AEBP2: variants seen among roughly 807,000 people sequenced by gnomAD.
AEBP2 encodes AE binding protein 2.
A neutral mutation model predicts 50.8 loss-of-function variants in AEBP2; 10 were observed. The ratio of observed to expected loss-of-function variants is 0.20; its 90% CI spans 0.12 to 0.33. The LOEUF (loss-of-function observed/expected upper bound fraction) is 0.33, where lower values mean the gene tolerates loss of function less well. Among genes scored for constraint, AEBP2 ranks in the 10% least tolerant of loss-of-function variants. The pLI, the probability that AEBP2 is intolerant of heterozygous loss-of-function variation, is 1.00. For synonymous variants in AEBP2, 296 were observed against 261.3 expected (o/e 1.13, Z -1.28); for missense variants, 570 against 688.0 (o/e 0.83, Z 1.92).
chr12:19,416,036 G>T (rs2095742423), intron 1 of AEBP2, among the ~76,000 whole-genome samples: 1 of 152,138 alleles, frequency 6.6e-6, no homozygotes, highest in Admixed American at 6.6e-5. Flanking sequence ...AGAAAAGTTA[G>T]CTGGGCATGG....
intron 1 of AEBP2, among the ~76,000 whole-genome samples, chr12:19,420,065 C>T (rs2153364300): frequency 6.7e-6 from 1 of 148,624 alleles, no homozygotes; most frequent in East Asian, 2.0e-4. Context: ...CTTTTGTCGC[C>T]CAGGCTGGAG....
At chr12:19,499,440 C>T (rs773436423) in intron 4 of AEBP2, among the ~76,000 whole-genome samples, 40 of 152,132 alleles carry the variant, frequency 2.6e-4, no homozygotes, top group Admixed American at 7.2e-4. Context: ...TGGTGAAACC[C>T]CAGCTCTACT....
At chr12:19,459,682 A>G (rs1041554623) in intron 1 of AEBP2, among the ~76,000 whole-genome samples, 6 of 152,208 alleles carry the variant, frequency 3.9e-5, no homozygotes, top group Non-Finnish European at 8.8e-5. Context: ...TACAGAGATT[A>G]CAGAGTTTTA....
At chr12:19,421,315 C>T (rs1166436394) in intron 1 of AEBP2, among the ~76,000 whole-genome samples, 3 of 142,218 alleles carry the variant, frequency 2.1e-5, no homozygotes, top group African/African-American at 5.1e-5. Flanking sequence ...CTGTACTCCC[C>T]GCCTGGGTGA....
chr12:19,483,827 T>G (rs2120364556), intron 3 of AEBP2, among the ~76,000 whole-genome samples: 1 of 152,316 alleles, frequency 6.6e-6, no homozygotes, highest in Non-Finnish European at 1.5e-5. Context: ...TATGTATCAT[T>G]TTGTACATGT....
chr12:19,467,817 T>A (rs546999846), intron 2 of AEBP2, among the ~76,000 whole-genome samples: 2 of 152,198 alleles, frequency 1.3e-5, no homozygotes, highest in Non-Finnish European at 2.9e-5. Flanking sequence ...TTTCTTGATA[T>A]AGGATTTATT....
Position 19,518,453 on chromosome 12 carries a change from TCTTCC to T in AEBP2, c.*340_*344del, listed in dbSNP as rs1188438060. 4.8e-6 allele frequency: 6 copies of T among 1,239,214 alleles called. No homozygotes were observed. The highest frequency in any genetic ancestry group is 3.1e-5 in the African/African-American group (2 of 64,468). 76.8% of individuals were successfully genotyped at this position (1,239,214 alleles called of 1,614,324 possible). On this transcript the variant is annotated 3_prime_UTR_variant, in exon 8 of 8. Coordinates refer to ENST00000266508, the MANE Select transcript of AEBP2 (RefSeq NM_153207.5). ...CTTTAAGCTGCTTTTTTTTTTCTTT[TCTTCC>T]CTTTAGTGATTTCAGTAGTTTATAT...
chr12:19,481,845 A>G (rs573163708), intron 3 of AEBP2, among the ~76,000 whole-genome samples: 1 of 152,106 alleles, frequency 6.6e-6, no homozygotes, highest in African/African-American at 2.4e-5. Flanking sequence ...CTGTTTCTTT[A>G]TGATATTTTT....
intron 1 of AEBP2, among the ~76,000 whole-genome samples, chr12:19,406,514 A>G (rs2095736347): frequency 6.6e-6 from 1 of 152,022 alleles, no homozygotes. Context: ...CCCCGTCTCT[A>G]CTAAAAATAC....
chr12:19,481,441 T>G (rs1043947798), intron 3 of AEBP2, among the ~76,000 whole-genome samples: 3 of 151,356 alleles, frequency 2.0e-5, no homozygotes, highest in African/African-American at 7.3e-5. Context: ...GTGCCTTTTA[T>G]TTCTAGAAGT....
chr12:19,458,785 G>C (rs1450074779), intron 1 of AEBP2, among the ~76,000 whole-genome samples: 1 of 152,172 alleles, frequency 6.6e-6, no homozygotes, highest in Non-Finnish European at 1.5e-5. Flanking sequence ...AATAAAAGCA[G>C]TATAGGTACA....
intron 3 of AEBP2, among the ~76,000 whole-genome samples, chr12:19,492,321 C>T (rs970953566): frequency 3.3e-5 from 5 of 151,974 alleles, no homozygotes; most frequent in South Asian, 2.1e-4. Flanking sequence ...ACACTTATAC[C>T]GCAGTTAATT....
At chr12:19,460,343 C>T (rs1030188610) in intron 1 of AEBP2, among the ~76,000 whole-genome samples, 17 of 151,948 alleles carry the variant, frequency 1.1e-4, no homozygotes, top group Admixed American at 5.9e-4. Flanking sequence ...TATAGGTGAA[C>T]GTTCTTTTTG....
Position 19,440,090 on chromosome 12 carries a change from G to C in AEBP2, c.391G>C (p.Gly131Arg), listed in dbSNP as rs1275587234. The change falls in exon 1 of 8, where the codon GGG (glycine) becomes CGG (arginine). Residue 131 changes from glycine (G) to arginine (R), a missense_variant. By Grantham distance (125) the Gly-to-Arg change is moderately radical. Transcript: ENST00000266508. The stretch of plus-strand genomic sequence containing the variant: ...CGAGAGCCTGGTGGGCAGCAGCGGC[G>C]GGAGCAGCAGCGACGAGACCCGCTC... ...SAESLVGSSG[G>R]SSSDETRSLS... 2 of 1,509,322 alleles carry C rather than the reference G, an allele frequency of 1.3e-6. No individual in the cohort carries two copies. The highest frequency in any genetic ancestry group is 2.1e-5 in the Admixed American group (1 of 48,622). 93.5% of individuals were successfully genotyped at this position (1,509,322 alleles called of 1,614,324 possible).
intron 1 of AEBP2, among the ~76,000 whole-genome samples, chr12:19,460,657 G>GTTT (rs780141180): frequency 4.2e-5 from 6 of 144,010 alleles, no homozygotes; most frequent in East Asian, 2.0e-4. Context: ...CGGCCTGAAA[G>GTTT]TTTTTTTTTT....
chr12:19,462,147 A>C (rs1272586620), intron 1 of AEBP2, among the ~76,000 whole-genome samples: 1 of 152,162 alleles, frequency 6.6e-6, no homozygotes, highest in Admixed American at 6.5e-5. Context: ...TTACAGCTGG[A>C]AACTCTTACT....
intron 1 of AEBP2, among the ~76,000 whole-genome samples, chr12:19,412,141 ACACAGAGGTGTTCTGTGGACTCT>A (rs1398138283): frequency 6.6e-6 from 1 of 152,234 alleles, no homozygotes; most frequent in Non-Finnish European, 1.5e-5. Flanking sequence ...TTTCCAAGTC[ACACAGAGGTGTTCTGTGGACTCT>A]CAGAGGCCCT....
chr12:19,511,040 T>A (rs1232470554), intron 5 of AEBP2, among the ~76,000 whole-genome samples: 3 of 151,820 alleles, frequency 2.0e-5, no homozygotes, highest in Non-Finnish European at 4.4e-5. Flanking sequence ...TCTCCCTATG[T>A]TGCCTAGGCT....
At chr12:19,451,425 G>A (rs568939245) in intron 1 of AEBP2, among the ~76,000 whole-genome samples, 7 of 152,208 alleles carry the variant, frequency 4.6e-5, no homozygotes, top group African/African-American at 9.6e-5. Context: ...TGTTCTTCAC[G>A]GGATCTGTTC....
Sources: allele counts gnomAD v4.1 joint callset (sites outside exome capture counted in the v4.1 genomes callset), GRCh38; gene constraint gnomAD v4.1.1; transcripts MANE v1.5; gene names NCBI Gene and HGNC (gene_info 2026-07-23, HGNC 2026-07-21).